ROBO2: variants seen among roughly 807,000 people sequenced by gnomAD.
The protein encoded by ROBO2 is roundabout homolog 2.
In ROBO2, 53 loss-of-function variants were observed where a neutral mutation model predicts 160.8. That is an observed-to-expected ratio of 0.33 (90% CI 0.26 to 0.41). The LOEUF (loss-of-function observed/expected upper bound fraction) is 0.41. Ranked by LOEUF, ROBO2 falls within the 10% of genes least tolerant of loss-of-function variation. ROBO2 has a pLI of 1.00. For missense variants in ROBO2, 1,577 were observed against 1,722.4 expected, an observed-to-expected ratio of 0.92 and a Z score of 1.49; for synonymous variants, 664 against 611.7, an observed-to-expected ratio of 1.09 and a Z score of -1.26.
chr3:76,231,450 G>GT (rs1260636184), intron 2 of ROBO2, among the ~76,000 whole-genome samples: 1 of 151,966 alleles, frequency 6.6e-6, no homozygotes, highest in East Asian at 1.9e-4. Flanking sequence ...TAGGTATACC[G>GT]TTTTTTGTTC....
intron 5 of ROBO2, among the ~76,000 whole-genome samples, chr3:77,504,884 A>G (rs1160924604): frequency 6.6e-6 from 1 of 152,210 alleles, no homozygotes; most frequent in Non-Finnish European, 1.5e-5. Context: ...GTCTATTCCT[A>G]TATGAAACTA....
At chr3:76,199,635 C>T (rs1438749428) in intron 2 of ROBO2, among the ~76,000 whole-genome samples, 2 of 152,104 alleles carry the variant, frequency 1.3e-5, no homozygotes, top group Non-Finnish European at 2.9e-5. Flanking sequence ...TCTGCAACAG[C>T]CAGTCCAGGA....
chr3:77,317,623 GGCGGCGGGCTCT>G, intron 2 of ROBO2: 1 of 836,984 alleles, frequency 1.2e-6, no homozygotes, highest in South Asian at 1.5e-5. Flanking sequence ...GCTCAAAGGT[GGCGGCGGGCTCT>G]GCGGGGGCTG....
chr3:76,070,209 C>A (rs529181161), intron 2 of ROBO2, among the ~76,000 whole-genome samples: 8 of 152,168 alleles, frequency 5.3e-5, no homozygotes, highest in Non-Finnish European at 1.0e-4. Context: ...GTGAGCCGGG[C>A]GGAACAGAGC....
intron 2 of ROBO2, among the ~76,000 whole-genome samples, chr3:77,012,433 T>A (rs536135955): frequency 3.3e-5 from 5 of 152,336 alleles, no homozygotes; most frequent in Non-Finnish European, 7.4e-5. Context: ...AAAAGTTAAA[T>A]GATTCAATGA....
At chr3:77,427,883 G>A (rs553670835) in intron 2 of ROBO2, among the ~76,000 whole-genome samples, 1 of 152,126 alleles carries the variant, frequency 6.6e-6, no homozygotes, top group Non-Finnish European at 1.5e-5. Flanking sequence ...TATTCAGCTT[G>A]CATTGATCCT....
chr3:76,739,446 C>A (rs2093766595), intron 2 of ROBO2, among the ~76,000 whole-genome samples: 1 of 131,746 alleles, frequency 7.6e-6, no homozygotes, highest in Admixed American at 9.7e-5. Context: ...CACATGGACA[C>A]AAGAAGGGGA....
intron 2 of ROBO2, among the ~76,000 whole-genome samples, chr3:77,295,719 A>G (rs901472575): frequency 1.3e-5 from 2 of 151,592 alleles, no homozygotes; most frequent in South Asian, 4.2e-4. Flanking sequence ...AAAGACATAA[A>G]GTGAAATTGA....
chr3:76,051,117 T>C (rs569443871), intron 2 of ROBO2, among the ~76,000 whole-genome samples: 1 of 152,352 alleles, frequency 6.6e-6, no homozygotes, highest in African/African-American at 2.4e-5. Flanking sequence ...CTTATATATA[T>C]TGCCATATTG....
chr3:77,150,647 C>G (rs2077475436), intron 2 of ROBO2, among the ~76,000 whole-genome samples: 1 of 151,396 alleles, frequency 6.6e-6, no homozygotes, highest in African/African-American at 2.4e-5. Flanking sequence ...GGTCATACTT[C>G]AAAAGTTGTA....
At chr3:76,759,478 A>G (rs1241897424) in intron 2 of ROBO2, among the ~76,000 whole-genome samples, 1 of 151,794 alleles carries the variant, frequency 6.6e-6, no homozygotes, top group Non-Finnish European at 1.5e-5. Context: ...AGGGTGCTAG[A>G]CTTAAACATA....
intron 2 of ROBO2, among the ~76,000 whole-genome samples, chr3:76,691,479 A>C (rs776640267): frequency 1.2e-4 from 19 of 152,324 alleles, no homozygotes; most frequent in Non-Finnish European, 2.4e-4. Context: ...GGAAGCTAAA[A>C]AAAAATTAAA....
intron 2 of ROBO2, among the ~76,000 whole-genome samples, chr3:77,207,090 T>A (rs1200036554): frequency 6.6e-6 from 1 of 152,200 alleles, no homozygotes; most frequent in East Asian, 1.9e-4. Context: ...AATATGGGCA[T>A]AATATTAATT....
intron 6 of ROBO2, among the ~76,000 whole-genome samples, chr3:77,528,175 C>A (rs1310232132): frequency 1.3e-5 from 2 of 151,508 alleles, no homozygotes; most frequent in African/African-American, 4.8e-5. Context: ...GTTTAATTCA[C>A]CAATAACTAT....
chr3:76,784,672 C>T (rs1015776430), intron 2 of ROBO2, among the ~76,000 whole-genome samples: 1 of 151,112 alleles, frequency 6.6e-6, no homozygotes, highest in Non-Finnish European at 1.5e-5. Context: ...GGGAGGTACA[C>T]AAAAGAGTCA....
chr3:76,083,127 A>C (rs896737513), intron 2 of ROBO2, among the ~76,000 whole-genome samples: 2 of 152,122 alleles, frequency 1.3e-5, no homozygotes, highest in Non-Finnish European at 2.9e-5. Flanking sequence ...TCATAAATTC[A>C]GTATCAGAGG....
chr3:76,618,554 T>G (rs1201379228), intron 2 of ROBO2, among the ~76,000 whole-genome samples: 1 of 151,456 alleles, frequency 6.6e-6, no homozygotes, highest in Non-Finnish European at 1.5e-5. Flanking sequence ...TTGACAACTT[T>G]AAACACTTTT....
intron 2 of ROBO2, among the ~76,000 whole-genome samples, chr3:76,663,320 C>T (rs1229013308): frequency 1.3e-5 from 2 of 152,114 alleles, no homozygotes; most frequent in African/African-American, 4.8e-5. Context: ...TTTGTGGAGC[C>T]TGTGTAATAT....
chr3:76,817,827 CTTTTT>C (rs78546104), intron 2 of ROBO2, among the ~76,000 whole-genome samples: 2 of 129,480 alleles, frequency 1.5e-5, no homozygotes, highest in East Asian at 2.3e-4. Context: ...TATTTCATTC[CTTTTT>C]TTTTTTTTTT....
Sources: allele counts gnomAD v4.1 joint callset (sites outside exome capture counted in the v4.1 genomes callset), GRCh38; gene constraint gnomAD v4.1.1; transcripts MANE v1.5; gene names NCBI Gene and HGNC (gene_info 2026-07-23, HGNC 2026-07-21).